Variants in COA1 observed in about 807,000 individuals in gnomAD.
COA1 encodes the protein cytochrome c oxidase assembly factor 1.
Under a neutral mutation model 16.0 loss-of-function variants are expected in COA1, and 13 were observed. The observed-to-expected ratio is 0.81, with a 90% CI of 0.53 to 1.29. The LOEUF (loss-of-function observed/expected upper bound fraction) is 1.29, where lower values mean the gene tolerates loss of function less well. COA1 is among the 50% of genes most tolerant of loss of function. The pLI, the probability that COA1 is intolerant of heterozygous loss-of-function variation, is 0.00. For missense variants in COA1, 179 were observed against 177.0 expected (o/e 1.01, Z -0.06); for synonymous variants, 65 against 65.7 (o/e 0.99, Z 0.05).
At chr7:43,686,021 T>C (rs933101046) in intron 1 of COA1, among the ~76,000 whole-genome samples, 6 of 152,224 alleles carry the variant, frequency 3.9e-5, no homozygotes, top group African/African-American at 1.4e-4. Context: ...CACCTGTAGT[T>C]TATTTACAGA....
rs1166761383 is a variant in COA1, at chr7:43,618,856, T to C, written c.*134-9361A>G. Among the ~76,000 whole-genome samples, 3 of 152,146 alleles carry C rather than the reference T, an allele frequency of 2.0e-5. No homozygotes were observed. The East Asian group carries it at 5.8e-4, about 29-fold the overall frequency. ...GAGAACTTAGGGTAGAAGTCATCAG[T>C]ATGTAAGTGGCAGCTGAAGCTTTGG... On this transcript the variant is annotated intron_variant and NMD_transcript_variant, in intron 6 of 6. Coordinates refer to the COA1 transcript ENST00000415076.
chr7:43,706,100 T>C (rs2094961418), intron 1 of COA1, among the ~76,000 whole-genome samples: 1 of 152,224 alleles, frequency 6.6e-6, no homozygotes, highest in Non-Finnish European at 1.5e-5. Context: ...TCCAAAATTA[T>C]TGTTAAAGAA....
chr7:43,628,686 T>C (rs2084869088), intron 6 of COA1, among the ~76,000 whole-genome samples: 1 of 152,216 alleles, frequency 6.6e-6, no homozygotes, highest in South Asian at 2.1e-4. Context: ...TTAGTTTGCA[T>C]TTCCCTGATG....
At chr7:43,622,994 A>C (rs2084079673) in intron 6 of COA1, 1 of 151,986 alleles carries the variant, frequency 6.6e-6, no homozygotes, top group South Asian at 2.1e-4. Flanking sequence ...AAAGCATATT[A>C]TTTTTCTCAA....
At chr7:43,708,824 T>C (rs67858271) in intron 1 of COA1, among the ~76,000 whole-genome samples, 22,193 of 152,138 alleles carry the variant, frequency 0.15, 2,194 homozygotes, top group Non-Finnish European at 0.21. Context: ...CATAATCCCT[T>C]TGTCACAGAG....
chr7:43,629,147 T>A (rs2084922569), intron 6 of COA1, among the ~76,000 whole-genome samples: 1 of 152,206 alleles, frequency 6.6e-6, no homozygotes, highest in Non-Finnish European at 1.5e-5. Context: ...TGGTGCCCGG[T>A]CTAAAATCAT....
intron 6 of COA1, among the ~76,000 whole-genome samples, chr7:43,617,597 G>A (rs1202464554): frequency 6.6e-6 from 1 of 152,146 alleles, no homozygotes; most frequent in Non-Finnish European, 1.5e-5. Context: ...ATATGATTTA[G>A]GAAGGAAAAT....
chr7:43,631,632 G>T (rs2085181454), intron 6 of COA1: 1 of 152,174 alleles, frequency 6.6e-6, no homozygotes, highest in South Asian at 2.1e-4. Flanking sequence ...TTTCCCTCTA[G>T]CTAAGATTTC....
At position 43,702,962 on chromosome 7, in the gene COA1, T is replaced by C. The variant is rs949067379; in HGVS notation, c.-39+26467A>G. ...TGTTGGGTCATTAATTTTAGATCTT[T>C]CTAAGTTCTTGATGTAGGCATTTAG... is the stretch of plus-strand genomic sequence containing the variant. On this transcript the variant is annotated intron_variant, in intron 1 of 5. Coordinates refer to ENST00000223336, the MANE Select transcript of COA1 (RefSeq NM_018224.4). Among the ~76,000 whole-genome samples, 7 of 152,198 alleles carry C rather than the reference T, an allele frequency of 4.6e-5. No individual in the cohort carries two copies. The East Asian group carries it at 1.2e-3, about 25-fold the overall frequency.
intron 1 of COA1, among the ~76,000 whole-genome samples, chr7:43,688,080 C>T (rs180687981): frequency 7.9e-5 from 12 of 152,200 alleles, no homozygotes; most frequent in Admixed American, 2.6e-4. Context: ...GTGCCTTTCA[C>T]CTCCCGCCAT....
chr7:43,611,110 C>A (rs192532824), intron 6 of COA1, among the ~76,000 whole-genome samples: 2 of 152,154 alleles, frequency 1.3e-5, no homozygotes, highest in Admixed American at 6.5e-5. Flanking sequence ...GAATGAGACT[C>A]CGTCTCAAAA....
At chr7:43,726,149 A>C (rs1053329863) in intron 1 of COA1, among the ~76,000 whole-genome samples, 4 of 152,218 alleles carry the variant, frequency 2.6e-5, no homozygotes, top group African/African-American at 9.6e-5. Flanking sequence ...AGAGGATAAA[A>C]GAATAACTTC....
intron 1 of COA1, chr7:43,711,532 A>C (rs1295062059): frequency 1.3e-5 from 2 of 152,208 alleles, no homozygotes; most frequent in Admixed American, 1.3e-4. Flanking sequence ...CTTTTTAAAA[A>C]GTTTGTATTT....
At chr7:43,681,843 A>G (rs1237842574) in intron 1 of COA1, among the ~76,000 whole-genome samples, 1 of 152,198 alleles carries the variant, frequency 6.6e-6, no homozygotes, top group Non-Finnish European at 1.5e-5. Flanking sequence ...ATAAATGATA[A>G]CCTGAAAACC....
chr7:43,676,583 GT>G lies in COA1; in HGVS notation c.-38-27932del, dbSNP rs1456787889. Among the ~76,000 whole-genome samples, 11 of 152,270 alleles carry G rather than the reference GT, an allele frequency of 7.2e-5. No homozygotes were observed. The East Asian group carries it at 1.9e-3, about 27-fold the overall frequency. The stretch of plus-strand genomic sequence containing the variant: ...AAAAAGTAGAACAGAAGATTCTAGT[GT>G]TCTAGTGTTCTAAAGCACAGTAGGA... On this transcript the variant is annotated intron_variant, in intron 1 of 5. Transcript: ENST00000223336.
At chr7:43,635,960 T>C (rs920572940), downstream of COA1, among the ~76,000 whole-genome samples, 2 of 152,116 alleles carry the variant, frequency 1.3e-5, no homozygotes, top group Non-Finnish European at 2.9e-5. Context: ...TAAAAGGTTT[T>C]TAACATACCT....
intron 1 of COA1, among the ~76,000 whole-genome samples, chr7:43,720,629 A>C (rs2095488337): frequency 6.6e-6 from 1 of 152,162 alleles, no homozygotes. Context: ...GCAACGAGAG[A>C]GGTAAAGATG....
In COA1 at chr7:43,623,598, A is replaced by T. The variant is rs757073046; in HGVS notation, c.*134-14103T>A. On this transcript the variant is annotated intron_variant and NMD_transcript_variant, in intron 6 of 6. Coordinates refer to the COA1 transcript ENST00000415076. The stretch of plus-strand genomic sequence containing the variant: ...TCCTGAAATTCTTAGTTATGATCCT[A>T]TAAGCATGGCAACAGATATGTGGTA... 1.2e-5 allele frequency: 19 copies of T among 1,610,978 alleles called. No individual in the cohort carries two copies. In the Middle Eastern group the frequency reaches 6.6e-4, roughly 56 times the overall value.
At chr7:43,681,926 T>C (rs1346940012) in intron 1 of COA1, among the ~76,000 whole-genome samples, 3 of 152,162 alleles carry the variant, frequency 2.0e-5, no homozygotes, top group Non-Finnish European at 2.9e-5. Context: ...GAATGTAATA[T>C]CCTAACACCT....
Sources: allele counts gnomAD v4.1 joint callset (sites outside exome capture counted in the v4.1 genomes callset), GRCh38; gene constraint gnomAD v4.1.1; transcripts MANE v1.5; gene names NCBI Gene and HGNC (gene_info 2026-07-23, HGNC 2026-07-21).